NFIB: variants seen among roughly 807,000 people sequenced by gnomAD.
NFIB encodes nuclear factor 1 B-type.
NFIB carries 11 observed loss-of-function variants against 61.5 expected under a neutral mutation model. The observed-to-expected ratio is 0.18, with a 90% CI of 0.11 to 0.30. NFIB has a LOEUF of 0.30. Ranked by LOEUF, NFIB falls within the 10% of genes least tolerant of loss-of-function variation. NFIB has a pLI of 1.00. For missense variants in NFIB, 471 were observed against 608.9 expected (o/e 0.77, Z 2.38); for synonymous variants, 260 against 216.5 (o/e 1.20, Z -1.76).
At chr9:14,516,757 C>T in the NFIB span, among the ~76,000 whole-genome samples, 1 of 152,104 alleles carries the variant, frequency 6.6e-6, no homozygotes, top group Admixed American at 6.5e-5. Context: ...GCCCTTAATC[C>T]TTCTTTCAAT....
At chr9:14,338,316 C>G (rs549940332) in intron 1 of NFIB, among the ~76,000 whole-genome samples, 1 of 152,050 alleles carries the variant, frequency 6.6e-6, no homozygotes, top group African/African-American at 2.4e-5. Context: ...ATGGCGTGAA[C>G]CCGGGAGGCG....
chr9:14,224,362 A>C (rs887122225), intron 2 of NFIB, among the ~76,000 whole-genome samples: 1 of 152,220 alleles, frequency 6.6e-6, no homozygotes, highest in African/African-American at 2.4e-5. Context: ...CTAAGAACTA[A>C]AGAGAATATT....
At chr9:14,311,106 G>A (rs965026078) in intron 1 of NFIB, among the ~76,000 whole-genome samples, 1 of 151,950 alleles carries the variant, frequency 6.6e-6, no homozygotes, top group Non-Finnish European at 1.5e-5. Flanking sequence ...CTTTATATCT[G>A]ATTTATACTG....
chr9:14,179,901 A>G (rs2046576385), intron 2 of NFIB, 121 bp from the exon 3 acceptor site: 2 of 826,868 alleles, frequency 2.4e-6, no homozygotes, highest in Non-Finnish European at 3.8e-6. Context: ...CTTAAATAAA[A>G]TACACTTTCC....
intron 2 of NFIB, among the ~76,000 whole-genome samples, chr9:14,247,603 G>A (rs540671592): frequency 6.6e-6 from 1 of 152,212 alleles, no homozygotes; most frequent in Non-Finnish European, 1.5e-5. Context: ...AAAGGCCACC[G>A]CCACCACTGA....
intron 2 of NFIB, among the ~76,000 whole-genome samples, chr9:14,285,821 T>C (rs2058672502): frequency 6.6e-6 from 1 of 152,120 alleles, no homozygotes; most frequent in South Asian, 2.1e-4. Context: ...CTTAAGTGGG[T>C]ATCACTTAAG....
intron 3 of NFIB, among the ~76,000 whole-genome samples, chr9:14,164,140 TAAAAC>T (rs949848396): frequency 5.3e-5 from 8 of 151,028 alleles, no homozygotes; most frequent in Admixed American, 2.6e-4. Context: ...AAAAAATAAA[TAAAAC>T]AAATGACTCT....
chr9:14,428,121 T>A, the NFIB span, among the ~76,000 whole-genome samples: 2 of 151,642 alleles, frequency 1.3e-5, no homozygotes, highest in Non-Finnish European at 2.9e-5. Flanking sequence ...AATTTTTATA[T>A]TTTTTGTAGA....
intron 3 of NFIB, among the ~76,000 whole-genome samples, chr9:14,159,180 T>C (rs1012358155): frequency 6.6e-6 from 1 of 151,982 alleles, no homozygotes; most frequent in Non-Finnish European, 1.5e-5. Context: ...ACACAGACAA[T>C]ACAATGACTA....
the NFIB span, among the ~76,000 whole-genome samples, chr9:14,486,493 T>C: frequency 6.6e-6 from 1 of 152,232 alleles, no homozygotes; most frequent in Non-Finnish European, 1.5e-5. Context: ...GCCTAGGGAC[T>C]GAGCAAAATG....
chr9:14,179,690 A>G, intron 3 of NFIB, 37 bp downstream of exon 3: 1 of 1,610,856 alleles, frequency 6.2e-7, no homozygotes, highest in Non-Finnish European at 8.5e-7. Flanking sequence ...GTTCTCCAAC[A>G]ATGTCAGATT....
At chr9:14,271,373 C>A (rs1348527253) in intron 2 of NFIB, among the ~76,000 whole-genome samples, 2 of 152,022 alleles carry the variant, frequency 1.3e-5, no homozygotes, top group Non-Finnish European at 2.9e-5. Flanking sequence ...TGAAGAAATG[C>A]CTCCTTAGTT....
At chr9:14,104,498 G>A (rs1316560424) in intron 10 of NFIB, among the ~76,000 whole-genome samples, 2 of 151,860 alleles carry the variant, frequency 1.3e-5, no homozygotes, top group Admixed American at 6.6e-5. Context: ...CAAGAAACTT[G>A]GCTTTGTATA....
the NFIB span, among the ~76,000 whole-genome samples, chr9:14,466,823 G>T: frequency 6.6e-6 from 1 of 152,164 alleles, no homozygotes; most frequent in Non-Finnish European, 1.5e-5. Context: ...AGTGCAATTT[G>T]CCCCAGATTT....
chr9:14,479,379 G>C, the NFIB span, among the ~76,000 whole-genome samples: 1 of 152,176 alleles, frequency 6.6e-6, no homozygotes, highest in East Asian at 1.9e-4. Flanking sequence ...CGGAGAAACA[G>C]CTGTGGGTTT....
chr9:14,490,474 T>C, the NFIB span, among the ~76,000 whole-genome samples: 12 of 152,264 alleles, frequency 7.9e-5, no homozygotes, highest in African/African-American at 2.9e-4. Flanking sequence ...TTTGATTATG[T>C]TAAACAGCTT....
chr9:14,103,579 G>A (rs10961380), intron 10 of NFIB, among the ~76,000 whole-genome samples: 1 of 152,104 alleles, frequency 6.6e-6, no homozygotes, highest in East Asian at 1.9e-4. Context: ...TGTGGCCAAA[G>A]AAATAGGCTA....
intron 1 of NFIB, among the ~76,000 whole-genome samples, chr9:14,356,597 T>A (rs1182018683): frequency 6.6e-6 from 1 of 151,802 alleles, no homozygotes; most frequent in Non-Finnish European, 1.5e-5. Context: ...ACTGATTTCG[T>A]CTCCTGTTTT....
intron 2 of NFIB, among the ~76,000 whole-genome samples, chr9:14,299,312 G>A (rs145056257): frequency 1.3e-5 from 2 of 152,090 alleles, no homozygotes; most frequent in East Asian, 3.9e-4. Context: ...TCTTCATTCA[G>A]CATGAGACTA....
Sources: allele counts gnomAD v4.1 joint callset (sites outside exome capture counted in the v4.1 genomes callset), GRCh38; gene constraint gnomAD v4.1.1; transcripts MANE v1.5; gene names NCBI Gene and HGNC (gene_info 2026-07-23, HGNC 2026-07-21).